ZNF737: variants seen among roughly 807,000 people sequenced by gnomAD.
ZNF737 encodes the protein zinc finger protein 737, also known as zinc finger protein 102 (Y3).
A neutral mutation model predicts 11.7 loss-of-function variants in ZNF737; 13 were observed. The ratio of observed to expected loss-of-function variants is 1.11; its 90% CI spans 0.73 to 1.77. The LOEUF (loss-of-function observed/expected upper bound fraction) is 1.77. Ranked by LOEUF, ZNF737 falls within the 40% of genes most tolerant of loss-of-function variation. ZNF737 has a pLI of 0.00. For missense variants in ZNF737, 636 were observed against 638.0 expected (o/e 1.00, Z 0.03); for synonymous variants, 217 against 216.2 (o/e 1.00, Z -0.03).
the ZNF737 span, among the ~76,000 whole-genome samples, chr19:20,530,389 C>T: frequency 0.62 from 86,727 of 139,896 alleles, 29,790 homozygotes; most frequent in African/African-American, 0.82. Context: ...CCGGACGGGG[C>T]GACTGGCCTG....
downstream of ZNF737, among the ~76,000 whole-genome samples, chr19:20,531,630 TA>T (rs1555752866): frequency 6.7e-6 from 1 of 149,672 alleles, no homozygotes; most frequent in Non-Finnish European, 1.5e-5. Context: ...TAATTTCTTG[TA>T]TTTTTTAGTA....
chr19:20,531,571 T>A (rs1347118758), downstream of ZNF737, among the ~76,000 whole-genome samples: 1 of 149,526 alleles, frequency 6.7e-6, no homozygotes, highest in African/African-American at 2.5e-5. Flanking sequence ...TTATCCTGCC[T>A]CTGCCTCCCT....
downstream of ZNF737, among the ~76,000 whole-genome samples, chr19:20,534,474 T>TATCTATC (rs1555753465): frequency 3.3e-5 from 5 of 149,672 alleles, 1 homozygote; most frequent in South Asian, 2.2e-4. Context: ...TCTATCTATC[T>TATCTATC]ATCTATCTAT....
chr19:20,555,513 C>A (rs782286518), intron 1 of ZNF737, among the ~76,000 whole-genome samples: 4 of 152,146 alleles, frequency 2.6e-5, no homozygotes, highest in Admixed American at 6.6e-5. Flanking sequence ...GTTCGGCATA[C>A]AGCTAATGGA....
downstream of ZNF737, among the ~76,000 whole-genome samples, chr19:20,533,289 T>A (rs1292073464): frequency 1.3e-5 from 2 of 150,124 alleles, no homozygotes; most frequent in Non-Finnish European, 3.0e-5. Flanking sequence ...GGGAAAAGAT[T>A]TTTATACATG....
chr19:20,552,457 A>G lies in ZNF737; in HGVS notation c.226+18T>C, dbSNP rs1555758763. The G allele has an allele frequency of 1.9e-6, 3 of 1,549,192 alleles. No individual in the cohort carries two copies. The highest frequency in any genetic ancestry group is 2.1e-5 in the Admixed American group (1 of 47,784). ...CTTATCTGTGTCGTCTGCTATATTC[A>G]TTTTCACTTGCACCTACCTGAGGGG... On this transcript the variant is annotated intron_variant, in intron 3 of 3. Coordinates refer to ENST00000427401, the MANE Select transcript of ZNF737 (RefSeq NM_001159293.2).
chr19:20,537,312 T>G (rs540467476), downstream of ZNF737, among the ~76,000 whole-genome samples: 2 of 151,588 alleles, frequency 1.3e-5, no homozygotes, highest in Non-Finnish European at 2.9e-5. Flanking sequence ...ACAACTCTTC[T>G]GCCTCAGCCT....
downstream of ZNF737, among the ~76,000 whole-genome samples, chr19:20,537,004 G>T (rs1418997069): frequency 6.6e-6 from 1 of 152,034 alleles, no homozygotes; most frequent in African/African-American, 2.4e-5. Context: ...TAGGGAGGCT[G>T]AGGCAGGAGA....
chr19:20,537,511 ATTTTTTTTTTT>A (rs1163609628), downstream of ZNF737, among the ~76,000 whole-genome samples: 2 of 77,090 alleles, frequency 2.6e-5, no homozygotes, highest in African/African-American at 9.7e-5. Context: ...CTGGTTTTCT[ATTTTTTTTTTT>A]TTTTTTTTTT....
rs1251555677 is a variant in ZNF737, at chr19:20,542,528, G to A, written c.*2064C>T. ...ATTACAGGCATGAGCCATCAAGCCC[G>A]GCCCTAACAGTTTTAAAATGCACTG... On this transcript the variant is annotated 3_prime_UTR_variant, in exon 4 of 4. Transcript: ENST00000427401. 1.6e-5 allele frequency: 16 copies of A among 981,010 alleles called. No homozygotes were observed. The highest frequency in any genetic ancestry group is 1.2e-4 in the African/African-American group (7 of 57,086). The allele number at this position is 981,010 out of a possible 1,614,324, so 60.8% of individuals were successfully genotyped here.
At chr19:20,546,851 G>A (rs12983957) in intron 3 of ZNF737, among the ~76,000 whole-genome samples, 73 of 152,308 alleles carry the variant, frequency 4.8e-4, no homozygotes, top group Non-Finnish European at 8.7e-4. Context: ...CTGCACTGCA[G>A]CCTGGGTGAC....
Position 20,552,478 on chromosome 19 carries a change from A to G in ZNF737, c.223T>C (p.Ser75Pro). ...MKKHEMVANPSVTCSHFARDL... is the reference protein window; with the variant it reads ...MKKHEMVANPPVTCSHFARDL... Reference sequence around the variant, plus strand: ...ATTCATTTTCACTTGCACCTACCTGAGGGGTTGGCTACCATCTCATGTTTC... The same window carrying G: ...ATTCATTTTCACTTGCACCTACCTGGGGGGTTGGCTACCATCTCATGTTTC... Residue 75 changes from serine (S) to proline (P), a missense_variant, in exon 3 of 4, where the codon TCA (serine) becomes CCA (proline). Transcript: ENST00000427401. The G allele has an allele frequency of 1.3e-6, 2 of 1,581,796 alleles. No homozygotes were observed. The highest frequency in any genetic ancestry group is 2.3e-5 in the East Asian group (1 of 43,700).
chr19:20,549,929 C>CAAA (rs58715059), intron 3 of ZNF737, among the ~76,000 whole-genome samples: 1 of 113,516 alleles, frequency 8.8e-6, no homozygotes. Flanking sequence ...GACTCCATCT[C>CAAA]AAAAAAAAAA....
rs1025025490 is a variant in ZNF737 at position 20,543,153 on chromosome 19, A to G, written c.*1439T>C. On this transcript the variant is annotated 3_prime_UTR_variant, in exon 4 of 4. Coordinates refer to ENST00000427401, the MANE Select transcript of ZNF737 (RefSeq NM_001159293.2). ...TTTTTAATATTTACTGCATCTGCAA[A>G]ATTATATTTTAGCATAAACTCTCTG... 5 of 966,278 alleles carry G rather than the reference A, an allele frequency of 5.2e-6. No homozygotes were observed. The African/African-American group carries it at 8.8e-5, about 17-fold the overall frequency. 59.9% of individuals were successfully genotyped at this position (966,278 alleles called of 1,614,324 possible). A position where few individuals can be genotyped will look rare whatever the true frequency, so the allele number is the denominator to read the frequency against.
chr19:20,545,814 TA>T lies in ZNF737; in HGVS notation c.388del (p.Tyr130IlefsTer8). 1.2e-6 allele frequency: 2 copies of T among 1,613,616 alleles called. No individual in the cohort carries two copies. The highest frequency in any genetic ancestry group is 1.7e-6 in the Non-Finnish European group (2 of 1,179,820). ...VDECKVHKRG[Y>X]NGLNQYLTTT... ...TGTCAAATATTGGTTAAGTCCATTA[TA>T]ACCTCTTTTGTGCACCTTACACTCA... On this transcript the variant is annotated frameshift_variant, in exon 4 of 4. Coordinates refer to ENST00000427401, the MANE Select transcript of ZNF737 (RefSeq NM_001159293.2). LOFTEE classifies it low-confidence loss of function (END_TRUNC).
chr19:20,550,859 C>A (rs1968636102), intron 3 of ZNF737, among the ~76,000 whole-genome samples: 1 of 152,218 alleles, frequency 6.6e-6, no homozygotes, highest in Non-Finnish European at 1.5e-5. Flanking sequence ...ACGTGGGAAA[C>A]TACAGTACCC....
In ZNF737 at chr19:20,542,827, GCTTT is replaced by G. The variant is rs1968271619; in HGVS notation, c.*1761_*1764del. ...CTGATGCAGAAGCCACTGATCACAT[GCTTT>G]CTCACATGTGAATAGAAATAAAATA... On this transcript the variant is annotated 3_prime_UTR_variant, in exon 4 of 4. Transcript: ENST00000427401. The G allele has an allele frequency of 4.1e-6, 4 of 985,136 alleles. No homozygotes were observed. The highest frequency in any genetic ancestry group is 4.8e-6 in the Non-Finnish European group (4 of 829,848). The allele number at this position is 985,136 out of a possible 1,614,324, so 61.0% of individuals were successfully genotyped here.
the ZNF737 span, among the ~76,000 whole-genome samples, chr19:20,530,606 G>A: frequency 1.3e-5 from 2 of 148,448 alleles, no homozygotes; most frequent in Admixed American, 6.6e-5. Context: ...TGGCCGGGCC[G>A]AGGTGCTCCT....
downstream of ZNF737, among the ~76,000 whole-genome samples, chr19:20,537,404 G>C (rs1968013063): frequency 6.6e-6 from 1 of 150,706 alleles, no homozygotes; most frequent in Non-Finnish European, 1.5e-5. Flanking sequence ...GTTTCACCAT[G>C]TTGGTCAGGC....
Sources: gnomAD v4.1 joint callset for allele counts (sites outside exome capture counted in the v4.1 genomes callset) on GRCh38, gnomAD v4.1.1 for gene constraint, MANE v1.5 for transcripts, NCBI Gene and HGNC (gene_info 2026-07-23, HGNC 2026-07-21) for gene names.